The following RASAL2 variants were observed in gnomAD, a reference collection of about 807,000 sequenced individuals.
RASAL2 encodes the protein ras GTPase-activating protein nGAP.
In RASAL2, 58 loss-of-function variants were observed where a neutral mutation model predicts 128.9. The observed-to-expected ratio is 0.45, with a 90% confidence interval of 0.36 to 0.56. The LOEUF (loss-of-function observed/expected upper bound fraction) is 0.56. Among genes scored for constraint, RASAL2 ranks in the 20% least tolerant of loss-of-function variants. The pLI, the probability that RASAL2 is intolerant of heterozygous loss-of-function variation, is 0.00. For synonymous variants in RASAL2, 561 were observed against 580.8 expected, an observed-to-expected ratio of 0.97 and a Z score of 0.49; for missense variants, 1,360 against 1,601.6, an observed-to-expected ratio of 0.85 and a Z score of 2.57.
chr1:178,406,141 C>T (rs1240393136), intron 4 of RASAL2, among the ~76,000 whole-genome samples: 1 of 152,142 alleles, frequency 6.6e-6, no homozygotes, highest in Admixed American at 6.6e-5. Context: ...CACATAAAGA[C>T]TTGTTCATAA....
chr1:178,176,030 T>A (rs1055268805), intron 1 of RASAL2, among the ~76,000 whole-genome samples: 2 of 152,180 alleles, frequency 1.3e-5, no homozygotes, highest in Non-Finnish European at 2.9e-5. Flanking sequence ...TATACAGGTG[T>A]CTTTTGATGT....
At chr1:178,292,861 A>G (rs1464964220) in intron 2 of RASAL2, among the ~76,000 whole-genome samples, 3 of 152,170 alleles carry the variant, frequency 2.0e-5, no homozygotes, top group Non-Finnish European at 2.9e-5. Context: ...TCTTAATGCA[A>G]ACTCTACTTT....
At chr1:178,252,693 A>G (rs1005195915) in intron 1 of RASAL2, among the ~76,000 whole-genome samples, 7 of 152,186 alleles carry the variant, frequency 4.6e-5, no homozygotes, top group African/African-American at 1.7e-4. Flanking sequence ...AAAGGGAAAA[A>G]CTTTATAATG....
At chr1:178,455,993 T>C (rs538637485) in intron 12 of RASAL2, among the ~76,000 whole-genome samples, 1 of 152,386 alleles carries the variant, frequency 6.6e-6, no homozygotes, top group African/African-American at 2.4e-5. Context: ...TAACGGGCTT[T>C]GCTATGTAAA....
chr1:178,240,130 T>A (rs1017628629), intron 1 of RASAL2, among the ~76,000 whole-genome samples: 4 of 152,206 alleles, frequency 2.6e-5, no homozygotes, highest in Admixed American at 2.6e-4. Context: ...TCAAGCACAG[T>A]GTTTTATGAA....
intron 7 of RASAL2, among the ~76,000 whole-genome samples, chr1:178,442,325 T>C (rs1370804630): frequency 1.3e-5 from 2 of 152,154 alleles, no homozygotes; most frequent in African/African-American, 4.8e-5. Context: ...TAGTACATGA[T>C]AGAAGAGGGA....
intron 3 of RASAL2, among the ~76,000 whole-genome samples, chr1:178,338,940 T>C (rs908508805): frequency 6.6e-6 from 1 of 152,236 alleles, no homozygotes; most frequent in African/African-American, 2.4e-5. Context: ...GCAGGGACTT[T>C]GTCTTATTTC....
chr1:178,342,731 A>G (rs1346661651), intron 3 of RASAL2, among the ~76,000 whole-genome samples: 2 of 152,244 alleles, frequency 1.3e-5, no homozygotes, highest in Non-Finnish European at 2.9e-5. Flanking sequence ...ACTGAAAGCA[A>G]ATCGTATTCA....
At chr1:178,308,054 A>G (rs995388540) in intron 3 of RASAL2, among the ~76,000 whole-genome samples, 3 of 152,204 alleles carry the variant, frequency 2.0e-5, no homozygotes, top group Admixed American at 6.5e-5. Flanking sequence ...TTAATATATT[A>G]TAATAAAATA....
chr1:178,234,790 G>T (rs1276296155), intron 1 of RASAL2, among the ~76,000 whole-genome samples: 1 of 152,024 alleles, frequency 6.6e-6, no homozygotes, highest in Non-Finnish European at 1.5e-5. Flanking sequence ...ATCATCAAAG[G>T]TTTAAACCCT....
chr1:178,440,921 T>A (rs376141723), intron 6 of RASAL2, among the ~76,000 whole-genome samples: 6 of 152,188 alleles, frequency 3.9e-5, no homozygotes, highest in East Asian at 3.8e-4. Flanking sequence ...ATAAGCTGTT[T>A]CAGAAACTCT....
chr1:178,439,477 C>G lies in RASAL2; in HGVS notation c.730C>G (p.Pro244Ala), dbSNP rs1676478547. 1.2e-6 allele frequency: 2 copies of G among 1,612,272 alleles called. No individual in the cohort carries two copies. Among genetic ancestry groups the G allele is most frequent in the Admixed American group, 3.3e-5 (2 of 59,778 alleles). Residue 244 changes from proline to alanine, a missense_variant, in exon 6 of 18, where the codon CCA (proline) becomes GCA (alanine). Pro to Ala is a conservative substitution (Grantham distance 27). Coordinates refer to ENST00000367649, the MANE Select transcript of RASAL2 (RefSeq NM_170692.4). ...ACGTTCCCATGAATCCTTGCTGAGC[C>G]CATGCAGCACAGTGGAATGTCTGGA... is the stretch of plus-strand genomic sequence containing the variant. ...ESRSHESLLS[P>A]CSTVECLDLG...
intron 5 of RASAL2, among the ~76,000 whole-genome samples, chr1:178,436,632 C>G (rs1332986220): frequency 5.9e-5 from 9 of 152,046 alleles, no homozygotes; most frequent in Non-Finnish European, 1.0e-4. Flanking sequence ...TTTGTACTTG[C>G]AAGGTGAGAT....
chr1:178,188,060 C>T (rs1171041863), intron 1 of RASAL2, among the ~76,000 whole-genome samples: 1 of 152,072 alleles, frequency 6.6e-6, no homozygotes, highest in Non-Finnish European at 1.5e-5. Flanking sequence ...GACCTCCAGC[C>T]CTGAGTAAGT....
At chr1:178,369,623 A>G (rs1383754759) in intron 3 of RASAL2, among the ~76,000 whole-genome samples, 1 of 152,220 alleles carries the variant, frequency 6.6e-6, no homozygotes, top group Non-Finnish European at 1.5e-5. Flanking sequence ...CTTTGTTAAA[A>G]TAAATAAGAG....
chr1:178,253,450 A>G (rs1157788534), intron 1 of RASAL2, among the ~76,000 whole-genome samples: 1 of 152,084 alleles, frequency 6.6e-6, no homozygotes, highest in Non-Finnish European at 1.5e-5. Flanking sequence ...GTGTCCCTAT[A>G]TTTGAGATTT....
intron 1 of RASAL2, among the ~76,000 whole-genome samples, chr1:178,149,334 T>A (rs1246852040): frequency 6.6e-6 from 1 of 152,184 alleles, no homozygotes; most frequent in African/African-American, 2.4e-5. Flanking sequence ...AAAATCTGAT[T>A]AAGTAAAACA....
intron 1 of RASAL2, among the ~76,000 whole-genome samples, chr1:178,101,579 TAGATA>T (rs1270265784): frequency 4.6e-5 from 7 of 152,212 alleles, no homozygotes; most frequent in Admixed American, 2.0e-4. Context: ...ACATTCAACA[TAGATA>T]AGATAACAAA....
chr1:178,153,716 C>T (rs961204488), intron 1 of RASAL2, among the ~76,000 whole-genome samples: 1 of 151,856 alleles, frequency 6.6e-6, no homozygotes, highest in South Asian at 2.1e-4. Context: ...AATATTTTGG[C>T]TAAGAATAAT....
Sources: allele counts gnomAD v4.1 joint callset (sites outside exome capture counted in the v4.1 genomes callset), GRCh38; gene constraint gnomAD v4.1.1; transcripts MANE v1.5; gene names NCBI Gene and HGNC (gene_info 2026-07-23, HGNC 2026-07-21).